Variants in MAP4K4 observed in about 807,000 individuals in gnomAD.
The protein encoded by MAP4K4 is mitogen-activated protein kinase kinase kinase kinase 4, also known as HPK/GCK-like kinase HGK.
A neutral mutation model predicts 189.6 loss-of-function variants in MAP4K4; 38 were observed. That is an observed-to-expected ratio of 0.20 (90% confidence interval 0.15 to 0.26). The LOEUF (loss-of-function observed/expected upper bound fraction) is 0.26, where lower values mean the gene tolerates loss of function less well. Among genes scored for constraint, MAP4K4 ranks in the 10% least tolerant of loss-of-function variants. The pLI, the probability that MAP4K4 is intolerant of heterozygous loss-of-function variation, is 1.00. For missense variants in MAP4K4, 1,054 were observed against 1,726.9 expected (o/e 0.61, Z 6.91); for synonymous variants, 610 against 624.3 (o/e 0.98, Z 0.34).
At chr2:101,743,362 A>G (rs1347589046) in intron 2 of MAP4K4, among the ~76,000 whole-genome samples, 1 of 152,146 alleles carries the variant, frequency 6.6e-6, no homozygotes, top group African/African-American at 2.4e-5. Flanking sequence ...CTGTAACAGA[A>G]CTGTGACCCT....
chr2:101,710,551 G>A (rs1490811996), intron 2 of MAP4K4, among the ~76,000 whole-genome samples: 1 of 152,190 alleles, frequency 6.6e-6, no homozygotes, highest in Non-Finnish European at 1.5e-5. Context: ...GGTGACAATG[G>A]ACAAGAAAGG....
chr2:101,732,129 ACT>A (rs1469811161), intron 2 of MAP4K4, among the ~76,000 whole-genome samples: 1 of 152,108 alleles, frequency 6.6e-6, no homozygotes, highest in Non-Finnish European at 1.5e-5. Flanking sequence ...TTATTTATAA[ACT>A]CTGTGGGAGA....
At chr2:101,815,427 A>G (rs558903748) in intron 3 of MAP4K4, among the ~76,000 whole-genome samples, 22 of 152,296 alleles carry the variant, frequency 1.4e-4, no homozygotes, top group Admixed American at 8.5e-4. Context: ...GTTTATACCA[A>G]TAGAGGTGTA....
At chr2:101,825,192 A>G in intron 4 of MAP4K4, 127 bp from the exon 5 acceptor site, 1 of 584,690 alleles carries the variant, frequency 1.7e-6, no homozygotes, top group Non-Finnish European at 3.1e-6. Context: ...GTGCCTCCAA[A>G]TTATTATGAA....
intron 3 of MAP4K4, among the ~76,000 whole-genome samples, chr2:101,811,980 A>G (rs546926070): frequency 6.6e-6 from 1 of 152,172 alleles, no homozygotes; most frequent in African/African-American, 2.4e-5. Flanking sequence ...TTACTGATTT[A>G]AGTTTTTGTC....
chr2:101,849,455 T>A (rs2097210284), intron 12 of MAP4K4, among the ~76,000 whole-genome samples: 2 of 152,068 alleles, frequency 1.3e-5, no homozygotes, highest in Admixed American at 6.6e-5. Context: ...ACTTTTCCTA[T>A]TTAGAGCATC....
chr2:101,799,518 T>C (rs953649958), intron 3 of MAP4K4, among the ~76,000 whole-genome samples: 7 of 152,258 alleles, frequency 4.6e-5, no homozygotes, highest in African/African-American at 1.7e-4. Flanking sequence ...CAGCCATCAC[T>C]GTTTGGTCCT....
At chr2:101,704,622 G>T (rs1301387422) in intron 2 of MAP4K4, among the ~76,000 whole-genome samples, 2 of 130,310 alleles carry the variant, frequency 1.5e-5, no homozygotes, top group Admixed American at 8.7e-5. Context: ...GCCCAGGCTG[G>T]AGTGCAGTGG....
chr2:101,719,836 A>AC (rs2050665052), intron 2 of MAP4K4, among the ~76,000 whole-genome samples: 1 of 151,596 alleles, frequency 6.6e-6, no homozygotes, highest in Non-Finnish European at 1.5e-5. Context: ...ATATGGTGAA[A>AC]CCCCGTCTCT....
At chr2:101,704,563 A>ATC (rs1559013874) in intron 2 of MAP4K4, among the ~76,000 whole-genome samples, 1 of 47,222 alleles carries the variant, frequency 2.1e-5, no homozygotes, top group Non-Finnish European at 3.2e-5. Flanking sequence ...ATATATATAT[A>ATC]TATATTTTTT....
At chr2:101,883,608 G>T (rs1239785960) in intron 28 of MAP4K4, among the ~76,000 whole-genome samples, 4 of 152,166 alleles carry the variant, frequency 2.6e-5, no homozygotes, top group African/African-American at 9.7e-5. Context: ...TAGGAAAGAT[G>T]TTATAGTCTA....
intron 3 of MAP4K4, among the ~76,000 whole-genome samples, chr2:101,816,244 A>ATT (rs1300024784): frequency 1.3e-5 from 2 of 152,196 alleles, no homozygotes; most frequent in African/African-American, 4.8e-5. Context: ...AGGATAAATC[A>ATT]TCTGTCCTTG....
At chr2:101,776,381 C>A (rs1163893984) in intron 2 of MAP4K4, among the ~76,000 whole-genome samples, 2 of 152,132 alleles carry the variant, frequency 1.3e-5, no homozygotes, top group Admixed American at 6.5e-5. Context: ...TGTAGGGACG[C>A]TGGAGAGCTC....
At chr2:101,728,401 A>C (rs1474648626) in intron 2 of MAP4K4, among the ~76,000 whole-genome samples, 1 of 152,224 alleles carries the variant, frequency 6.6e-6, no homozygotes, top group Non-Finnish European at 1.5e-5. Flanking sequence ...ATTTGAGATA[A>C]TTTTAATCAC....
Position 101,796,182 on chromosome 2 carries a change from C to T in MAP4K4, c.180+5406C>T, listed in dbSNP as rs550289896. 3.9e-3 allele frequency among the ~76,000 whole-genome samples: 601 copies of T among 152,308 alleles called. 3 individuals are homozygous for T. Among genetic ancestry groups the T allele is most frequent in the Non-Finnish European group, 7.0e-3 (479 of 68,024 alleles). ...CTTTCCAACATGTGGTCCTTTTTCT[C>T]AGCCACTCGGGCATAGGATGCTGTT... On this transcript the variant is annotated intron_variant, in intron 3 of 32. Transcript: ENST00000324219.
intron 2 of MAP4K4, among the ~76,000 whole-genome samples, chr2:101,771,179 G>A (rs932372656): frequency 2.6e-5 from 4 of 152,218 alleles, no homozygotes; most frequent in Non-Finnish European, 5.9e-5. Flanking sequence ...AAGGTTGGGG[G>A]ATGGTGGAGG....
chr2:101,848,652 C>A (rs1386403844), intron 12 of MAP4K4, among the ~76,000 whole-genome samples: 2 of 152,156 alleles, frequency 1.3e-5, no homozygotes, highest in African/African-American at 2.4e-5. Flanking sequence ...TGTCTCTGCA[C>A]CCTTTTTGCA....
intron 28 of MAP4K4, among the ~76,000 whole-genome samples, chr2:101,884,648 A>G (rs774981635): frequency 2.6e-5 from 4 of 152,218 alleles, no homozygotes; most frequent in Admixed American, 6.5e-5. Flanking sequence ...GGAAGGAGGC[A>G]GTTTTACTAC....
intron 2 of MAP4K4, among the ~76,000 whole-genome samples, chr2:101,766,037 G>A (rs4595997): frequency 0.28 from 42,771 of 152,068 alleles, 6,782 homozygotes; most frequent in South Asian, 0.49. Flanking sequence ...GATGGAAAGT[G>A]TGGACACTTT....
Sources: gnomAD v4.1 joint callset for allele counts (sites outside exome capture counted in the v4.1 genomes callset) on GRCh38, gnomAD v4.1.1 for gene constraint, MANE v1.5 for transcripts, NCBI Gene and HGNC (gene_info 2026-07-23, HGNC 2026-07-21) for gene names.